The following SAMD5 variants were observed in gnomAD, a reference collection of about 807,000 sequenced individuals.
SAMD5 encodes the protein sterile alpha motif domain containing 5.
In SAMD5, 13 loss-of-function variants were observed where a neutral mutation model predicts 11.3. The observed-to-expected ratio is 1.15, with a 90% CI of 0.75 to 1.83. SAMD5 has a LOEUF of 1.83. Ranked by LOEUF, SAMD5 falls within the 40% of genes most tolerant of loss-of-function variation. SAMD5 has a pLI of 0.00. For synonymous variants in SAMD5, 129 were observed against 111.3 expected (o/e 1.16, Z -1.00); for missense variants, 255 against 239.1 (o/e 1.07, Z -0.44).
At chr6:147,640,098 C>A (rs894712641) in intron 1 of SAMD5, among the ~76,000 whole-genome samples, 1 of 151,850 alleles carries the variant, frequency 6.6e-6, no homozygotes, top group Non-Finnish European at 1.5e-5. Context: ...GAGGCTGAGG[C>A]GGGCAGATCA....
rs2128444734 is a variant in SAMD5, at chr6:147,565,782, C to T, written c.*1326C>T. 4 of 985,292 alleles carry T rather than the reference C, an allele frequency of 4.1e-6. No individual in the cohort carries two copies. The highest frequency in any genetic ancestry group is 4.8e-6 in the Non-Finnish European group (4 of 829,886). 61.0% of individuals were successfully genotyped at this position (985,292 alleles called of 1,614,324 possible). On this transcript the variant is annotated 3_prime_UTR_variant, in exon 2 of 2. Coordinates refer to ENST00000367474, the MANE Select transcript of SAMD5 (RefSeq NM_001030060.3). ...GCCTGGATGCTGGTAGTTTTATTTT[C>T]TGCTTAGAAAACGCAACCATGTTGA...
At chr6:147,895,606 C>T in the SAMD5 span, among the ~76,000 whole-genome samples, 12 of 152,238 alleles carry the variant, frequency 7.9e-5, no homozygotes, top group Non-Finnish European at 1.6e-4. Flanking sequence ...CCTTGAAAGC[C>T]GAGCAAATGA....
chr6:147,764,767 A>C, the SAMD5 span, among the ~76,000 whole-genome samples: 1 of 152,220 alleles, frequency 6.6e-6, no homozygotes, highest in East Asian at 1.9e-4. Flanking sequence ...GAAAGGCTCT[A>C]TTTCGTCACA....
chr6:147,545,305 C>T (rs560307462), intron 1 of SAMD5, among the ~76,000 whole-genome samples: 174 of 152,250 alleles, frequency 1.1e-3, no homozygotes, highest in African/African-American at 2.1e-3. Flanking sequence ...TTAACGAATA[C>T]GGATTAGTCC....
chr6:147,843,666 A>G, the SAMD5 span, among the ~76,000 whole-genome samples: 7 of 151,672 alleles, frequency 4.6e-5, no homozygotes, highest in Non-Finnish European at 7.3e-5. Flanking sequence ...ATGAAATAGG[A>G]TAAAGAATCT....
intron 1 of SAMD5, among the ~76,000 whole-genome samples, chr6:147,718,486 C>T (rs1021039518): frequency 3.3e-5 from 5 of 152,090 alleles, no homozygotes; most frequent in Admixed American, 1.3e-4. Flanking sequence ...TTATCTTTAC[C>T]ACCTCATGAA....
chr6:147,950,853 A>C, the SAMD5 span, among the ~76,000 whole-genome samples: 74,638 of 151,728 alleles, frequency 0.49, 19,845 homozygotes, highest in East Asian at 0.76. Context: ...AAGATTTTGA[A>C]ATAGAGAGGG....
chr6:147,544,042 A>G (rs939120929), intron 1 of SAMD5, among the ~76,000 whole-genome samples: 1 of 152,186 alleles, frequency 6.6e-6, no homozygotes, highest in Non-Finnish European at 1.5e-5. Flanking sequence ...TTTATAAAAT[A>G]CTTCCTAAGG....
chr6:147,551,698 A>G (rs1310792521), intron 1 of SAMD5, among the ~76,000 whole-genome samples: 1 of 151,672 alleles, frequency 6.6e-6, no homozygotes, highest in Non-Finnish European at 1.5e-5. Context: ...CCTTAAAGTG[A>G]TAGTAAAATG....
chr6:147,585,624 T>C (rs879921158), intron 1 of SAMD5, among the ~76,000 whole-genome samples: 1 of 152,138 alleles, frequency 6.6e-6, no homozygotes, highest in African/African-American at 2.4e-5. Context: ...GAGAGAAAAG[T>C]GTTCCATAGA....
At chr6:147,670,474 A>G (rs552692671) in intron 1 of SAMD5, among the ~76,000 whole-genome samples, 2 of 152,346 alleles carry the variant, frequency 1.3e-5, no homozygotes, top group East Asian at 3.9e-4. Flanking sequence ...ACTTCTTCCA[A>G]TAGAAGGCTG....
At chr6:147,557,810 T>C (rs972557371) in intron 1 of SAMD5, among the ~76,000 whole-genome samples, 1 of 152,220 alleles carries the variant, frequency 6.6e-6, no homozygotes, top group African/African-American at 2.4e-5. Context: ...GTAGTTTTGA[T>C]AAAGTGGGCT....
At chr6:147,787,245 G>T in the SAMD5 span, among the ~76,000 whole-genome samples, 1 of 152,154 alleles carries the variant, frequency 6.6e-6, no homozygotes, top group African/African-American at 2.4e-5. Flanking sequence ...ATTAAGCCTC[G>T]TTAACTTGAA....
chr6:147,891,973 G>T, the SAMD5 span, among the ~76,000 whole-genome samples: 24 of 152,286 alleles, frequency 1.6e-4, no homozygotes, highest in Admixed American at 2.6e-4. Flanking sequence ...TTTGTCAGTG[G>T]GTCAACAGCC....
At chr6:147,579,454 ATTTTTTTTT>A (rs3031353) in intron 1 of SAMD5, among the ~76,000 whole-genome samples, 2 of 76,920 alleles carry the variant, frequency 2.6e-5, no homozygotes, top group African/African-American at 1.1e-4. Context: ...CAGGCTTTGA[ATTTTTTTTT>A]TTTTTTTTTT....
the SAMD5 span, among the ~76,000 whole-genome samples, chr6:147,909,604 C>CTTTA: frequency 2.6e-5 from 2 of 76,384 alleles, no homozygotes; most frequent in Non-Finnish European, 5.0e-5. Context: ...TTCTTTCTTT[C>CTTTA]TTTCTTTCTT....
chr6:147,750,495 C>CA, the SAMD5 span, among the ~76,000 whole-genome samples: 8 of 152,198 alleles, frequency 5.3e-5, no homozygotes, highest in Non-Finnish European at 7.3e-5. Context: ...TTTTCTTCCT[C>CA]AGAGTAAAAA....
the SAMD5 span, among the ~76,000 whole-genome samples, chr6:147,943,565 G>C: frequency 2.6e-5 from 4 of 151,990 alleles, no homozygotes; most frequent in Admixed American, 1.3e-4. Context: ...CTCCCAGAAA[G>C]CTGCAGCCCC....
the SAMD5 span, among the ~76,000 whole-genome samples, chr6:147,803,720 C>T: frequency 1.3e-5 from 2 of 152,188 alleles, no homozygotes; most frequent in East Asian, 1.9e-4. Context: ...GACACGTGAT[C>T]GGCAAGTAGC....
Sources: gnomAD v4.1 joint callset for allele counts (sites outside exome capture counted in the v4.1 genomes callset) on GRCh38, gnomAD v4.1.1 for gene constraint, MANE v1.5 for transcripts, NCBI Gene and HGNC (gene_info 2026-07-23, HGNC 2026-07-21) for gene names.